Variants in MGLL observed in about 807,000 individuals in gnomAD.
The protein encoded by MGLL is monoglyceride lipase.
A neutral mutation model predicts 29.1 loss-of-function variants in MGLL; 7 were observed. The ratio of observed to expected loss-of-function variants is 0.24; its 90% confidence interval spans 0.14 to 0.45. The LOEUF (loss-of-function observed/expected upper bound fraction) is 0.45. MGLL is among the 20% of genes least tolerant of loss of function. The probability of loss-of-function intolerance (pLI) is 0.99; values close to 1 mark genes in which losing one functional copy is unlikely to be tolerated. For missense variants in MGLL, 356 were observed against 413.6 expected, an observed-to-expected ratio of 0.86 and a Z score of 1.21; for synonymous variants, 148 against 168.3, an observed-to-expected ratio of 0.88 and a Z score of 0.93.
At chr3:127,786,889 C>T (rs938377177) in intron 2 of MGLL, among the ~76,000 whole-genome samples, 1 of 152,290 alleles carries the variant, frequency 6.6e-6, no homozygotes, top group Non-Finnish European at 1.5e-5. Flanking sequence ...AGCCACTTGC[C>T]GGGTGAGCCA....
intron 2 of MGLL, among the ~76,000 whole-genome samples, chr3:127,799,986 C>T (rs974709387): frequency 6.6e-6 from 1 of 152,200 alleles, no homozygotes; most frequent in Non-Finnish European, 1.5e-5. Flanking sequence ...CCCAGACTTC[C>T]CTGCAGCTAG....
intron 3 of MGLL, among the ~76,000 whole-genome samples, chr3:127,772,165 A>G (rs887533285): frequency 6.7e-6 from 1 of 149,738 alleles, no homozygotes; most frequent in Middle Eastern, 3.4e-3. Flanking sequence ...AAGCCTTACC[A>G]GCCCTGCTTT....
chr3:127,731,250 G>A (rs578047625), intron 3 of MGLL, among the ~76,000 whole-genome samples: 1 of 151,616 alleles, frequency 6.6e-6, no homozygotes, highest in Non-Finnish European at 1.5e-5. Context: ...AAACTCCTGG[G>A]CTCAAGCAAT....
chr3:127,729,470 A>G (rs1559928989), intron 3 of MGLL, among the ~76,000 whole-genome samples: 1 of 151,974 alleles, frequency 6.6e-6, no homozygotes, highest in Non-Finnish European at 1.5e-5. Flanking sequence ...CTTTTACCAG[A>G]CCTTTTTTTC....
chr3:127,748,199 C>T (rs2107665018), intron 3 of MGLL, among the ~76,000 whole-genome samples: 1 of 152,262 alleles, frequency 6.6e-6, no homozygotes, highest in East Asian at 1.9e-4. Context: ...AAAAGCATGC[C>T]TACCCAGACT....
chr3:127,701,215 C>CAAAAAAAAAAAAAAAA (rs60128956), intron 6 of MGLL, among the ~76,000 whole-genome samples: 1 of 56,440 alleles, frequency 1.8e-5, no homozygotes. Flanking sequence ...ACCCTGCCTC[C>CAAAAAAAAAAAAAAAA]AAAAAAAAAA....
intron 2 of MGLL, among the ~76,000 whole-genome samples, chr3:127,789,430 G>C (rs544718262): frequency 6.6e-6 from 1 of 152,218 alleles, no homozygotes; most frequent in African/African-American, 2.4e-5. Context: ...ATTTTGGGGC[G>C]GGTGAGATGG....
chr3:127,809,888 C>T (rs2077631362), intron 2 of MGLL, among the ~76,000 whole-genome samples: 1 of 152,284 alleles, frequency 6.6e-6, no homozygotes, highest in Non-Finnish European at 1.5e-5. Context: ...CAGGCTGGGG[C>T]ATCCACCACG....
chr3:127,796,092 C>A (rs765550522), intron 2 of MGLL, among the ~76,000 whole-genome samples: 7 of 152,178 alleles, frequency 4.6e-5, no homozygotes, highest in Admixed American at 3.9e-4. Flanking sequence ...GCCCCCTCCC[C>A]GCCCCACCAC....
At chr3:127,807,874 G>A (rs1027369553) in intron 2 of MGLL, among the ~76,000 whole-genome samples, 5 of 140,268 alleles carry the variant, frequency 3.6e-5, no homozygotes, top group African/African-American at 1.1e-4. Flanking sequence ...CCATTCTCCT[G>A]CCTCAGCCTC....
intron 3 of MGLL, among the ~76,000 whole-genome samples, chr3:127,765,637 T>A (rs561614706): frequency 1.3e-5 from 2 of 152,304 alleles, no homozygotes; most frequent in African/African-American, 4.8e-5. Context: ...AGCAACCACT[T>A]TGTAAATTTT....
At chr3:127,771,890 G>T (rs1428643702) in intron 3 of MGLL, among the ~76,000 whole-genome samples, 3 of 152,164 alleles carry the variant, frequency 2.0e-5, no homozygotes, top group Non-Finnish European at 1.5e-5. Context: ...GGGGACCTGA[G>T]CCTAGTTGCA....
At chr3:127,766,572 G>T (rs2076859561) in intron 3 of MGLL, among the ~76,000 whole-genome samples, 1 of 152,118 alleles carries the variant, frequency 6.6e-6, no homozygotes, top group South Asian at 2.1e-4. Flanking sequence ...CCAAGCAGGG[G>T]CACTCTTATA....
At chr3:127,767,350 C>G (rs2076876733) in intron 3 of MGLL, among the ~76,000 whole-genome samples, 1 of 152,220 alleles carries the variant, frequency 6.6e-6, no homozygotes, top group Non-Finnish European at 1.5e-5. Flanking sequence ...GGGTGACATT[C>G]TTGCCTGCCT....
At chr3:127,744,715 G>C (rs1018413457) in intron 3 of MGLL, among the ~76,000 whole-genome samples, 5 of 152,206 alleles carry the variant, frequency 3.3e-5, no homozygotes, top group African/African-American at 1.2e-4. Flanking sequence ...GAGGCAAACT[G>C]CAGAGCTCCA....
At chr3:127,796,006 CT>C (rs1330598059) in intron 2 of MGLL, among the ~76,000 whole-genome samples, 1 of 152,186 alleles carries the variant, frequency 6.6e-6, no homozygotes, top group Non-Finnish European at 1.5e-5. Context: ...TCCTTAACAT[CT>C]TTCCATGAAC....
intron 3 of MGLL, among the ~76,000 whole-genome samples, chr3:127,757,932 C>T (rs985391040): frequency 1.3e-5 from 2 of 152,202 alleles, no homozygotes; most frequent in Non-Finnish European, 2.9e-5. Flanking sequence ...GATGTTATTC[C>T]ATCAAATCTG....
chr3:127,780,137 T>C (rs1559965270), intron 3 of MGLL, among the ~76,000 whole-genome samples: 1 of 152,218 alleles, frequency 6.6e-6, no homozygotes, highest in Non-Finnish European at 1.5e-5. Flanking sequence ...CTTTTCTCCC[T>C]TTATTCTAAA....
chr3:127,732,533 C>T (rs543247564), intron 3 of MGLL, among the ~76,000 whole-genome samples: 3 of 152,224 alleles, frequency 2.0e-5, no homozygotes, highest in Middle Eastern at 3.4e-3. Context: ...ATAAAGAACC[C>T]GCTGTGTGAA....
Sources: allele counts gnomAD v4.1 joint callset (sites outside exome capture counted in the v4.1 genomes callset), GRCh38; gene constraint gnomAD v4.1.1; transcripts MANE v1.5; gene names NCBI Gene and HGNC (gene_info 2026-07-23, HGNC 2026-07-21).